VAT1L: variants seen among roughly 807,000 people sequenced by gnomAD.
VAT1L encodes the protein putative NADPH-dependent quinone oxidoreductase VAT1L.
VAT1L carries 34 observed loss-of-function variants against 44.1 expected under a neutral mutation model. The observed-to-expected ratio is 0.77, with a 90% CI of 0.59 to 1.03. The LOEUF (loss-of-function observed/expected upper bound fraction) is 1.03. Among genes scored for constraint, VAT1L ranks in the 50% least tolerant of loss-of-function variants. The pLI is 0.00. For synonymous variants in VAT1L, 253 were observed against 202.2 expected (o/e 1.25, Z -2.13); for missense variants, 615 against 538.8 (o/e 1.14, Z -1.40).
chr16:77,837,736 T>C (rs2016654880), intron 3 of VAT1L, among the ~76,000 whole-genome samples: 1 of 152,224 alleles, frequency 6.6e-6, no homozygotes, highest in Non-Finnish European at 1.5e-5. Flanking sequence ...TTTAACTTCC[T>C]TGGACTTTGT....
At chr16:77,805,903 C>T (rs767643742) in intron 1 of VAT1L, among the ~76,000 whole-genome samples, 2 of 65,924 alleles carry the variant, frequency 3.0e-5, no homozygotes, top group Non-Finnish European at 7.9e-5. Flanking sequence ...TGCCCTGTGG[C>T]CCAGGCTGGA....
chr16:77,932,556 A>C (rs2017745080), intron 7 of VAT1L, among the ~76,000 whole-genome samples: 2 of 152,204 alleles, frequency 1.3e-5, no homozygotes, highest in African/African-American at 2.4e-5. Context: ...CAAGTTCACA[A>C]GATTTTGGTG....
chr16:77,935,684 C>A (rs952137191), intron 7 of VAT1L, among the ~76,000 whole-genome samples: 1 of 151,922 alleles, frequency 6.6e-6, no homozygotes, highest in Non-Finnish European at 1.5e-5. Flanking sequence ...CTGGTTGGAT[C>A]GTGTCTGCAG....
chr16:77,912,524 C>G (rs148643392), intron 7 of VAT1L, among the ~76,000 whole-genome samples: 77 of 152,038 alleles, frequency 5.1e-4, no homozygotes, highest in Non-Finnish European at 8.7e-4. Flanking sequence ...CTCAAGCGGT[C>G]CTCCCTCCTT....
intron 2 of VAT1L, 79 bp from the exon 3 acceptor site, chr16:77,825,167 A>T (rs925563027): frequency 1.3e-6 from 2 of 1,523,636 alleles, no homozygotes; most frequent in Non-Finnish European, 1.8e-6. Context: ...GCGCCTGGCC[A>T]GCTCCCAGTA....
chr16:77,852,093 G>A (rs1369467094), intron 3 of VAT1L, among the ~76,000 whole-genome samples: 3 of 152,030 alleles, frequency 2.0e-5, no homozygotes, highest in Non-Finnish European at 4.4e-5. Context: ...GGCCATACTA[G>A]TGCTCCTCTC....
chr16:77,826,862 A>G (rs2016529104), intron 3 of VAT1L, among the ~76,000 whole-genome samples: 1 of 152,236 alleles, frequency 6.6e-6, no homozygotes, highest in South Asian at 2.1e-4. Context: ...CTGTAGTTTG[A>G]TGAACTCAGA....
chr16:77,849,473 T>A (rs2016787734), intron 3 of VAT1L, among the ~76,000 whole-genome samples: 1 of 152,222 alleles, frequency 6.6e-6, no homozygotes, highest in Non-Finnish European at 1.5e-5. Flanking sequence ...ACAGCAGTGG[T>A]CCTAGTGATA....
At chr16:77,907,692 T>C (rs17704468) in intron 7 of VAT1L, among the ~76,000 whole-genome samples, 12,290 of 152,188 alleles carry the variant, frequency 0.081, 648 homozygotes, top group South Asian at 0.17. Context: ...ATGTTCAGTT[T>C]TATATCCCCA....
chr16:77,934,316 C>G (rs945949836), intron 7 of VAT1L, among the ~76,000 whole-genome samples: 2 of 151,990 alleles, frequency 1.3e-5, no homozygotes, highest in Admixed American at 1.3e-4. Flanking sequence ...TCCCCACACC[C>G]CCAAGATGAC....
chr16:77,915,364 T>C (rs2017541677), intron 7 of VAT1L, among the ~76,000 whole-genome samples: 1 of 152,226 alleles, frequency 6.6e-6, no homozygotes, highest in Non-Finnish European at 1.5e-5. Flanking sequence ...AGAGAGTCAG[T>C]TATTAAACAT....
chr16:77,970,202 C>T (rs892610010), intron 7 of VAT1L, among the ~76,000 whole-genome samples: 1 of 152,120 alleles, frequency 6.6e-6, no homozygotes, highest in African/African-American at 2.4e-5. Context: ...TACTGCTTTA[C>T]TCCAGCCAAG....
intron 7 of VAT1L, among the ~76,000 whole-genome samples, chr16:77,900,836 TC>T (rs548728151): frequency 2.2e-4 from 34 of 151,932 alleles, no homozygotes; most frequent in African/African-American, 8.2e-4. Flanking sequence ...TGACCACCAC[TC>T]CCCCCGCAAC....
chr16:77,932,981 T>A (rs1170736376), intron 7 of VAT1L, among the ~76,000 whole-genome samples: 1 of 152,152 alleles, frequency 6.6e-6, no homozygotes. Flanking sequence ...CCCACACATT[T>A]CATTGGCTAG....
At chr16:77,959,036 G>A (rs2018134190) in intron 7 of VAT1L, among the ~76,000 whole-genome samples, 2 of 152,186 alleles carry the variant, frequency 1.3e-5, no homozygotes, top group South Asian at 4.1e-4. Flanking sequence ...GGTATAAAAT[G>A]TAAGGCAGCG....
At chr16:77,857,191 G>C (rs2016867774) in intron 3 of VAT1L, among the ~76,000 whole-genome samples, 1 of 152,300 alleles carries the variant, frequency 6.6e-6, no homozygotes, top group African/African-American at 2.4e-5. Flanking sequence ...CAGTGACTGG[G>C]AGAATGGATT....
At chr16:77,860,229 G>C (rs935232439) in intron 3 of VAT1L, among the ~76,000 whole-genome samples, 4 of 152,124 alleles carry the variant, frequency 2.6e-5, no homozygotes, top group African/African-American at 9.7e-5. Context: ...TAAGCCACTG[G>C]GTCAGTAGAA....
At chr16:77,821,117 A>G (rs906876552) in intron 2 of VAT1L, among the ~76,000 whole-genome samples, 5 of 152,154 alleles carry the variant, frequency 3.3e-5, no homozygotes, top group African/African-American at 1.2e-4. Context: ...ATCACTCACT[A>G]TGCACCAAGC....
Position 77,884,826 on chromosome 16 carries a change from C to T in VAT1L, c.1077+24C>T. 6 of 1,442,734 alleles carry T rather than the reference C, an allele frequency of 4.2e-6. No individual in the cohort carries two copies. The highest frequency in any genetic ancestry group is 5.5e-6 in the Non-Finnish European group (6 of 1,096,392). 89.4% of individuals were successfully genotyped at this position (1,442,734 alleles called of 1,614,324 possible). On this transcript the variant is annotated intron_variant, in intron 7 of 8. Coordinates refer to ENST00000302536, the MANE Select transcript of VAT1L (RefSeq NM_020927.3). This position sits in a 1 kb window ranked among gnomAD's most constrained non-coding sequence, Gnocchi z 4.5. ...AGGTAAGAATGGTGCTTTTCTTCTG[C>T]AAATAAACTCCTCTTTTTAACTCAG...
Sources: gnomAD v4.1 joint callset for allele counts (sites outside exome capture counted in the v4.1 genomes callset) on GRCh38, gnomAD v4.1.1 for gene constraint, Gnocchi (gnomAD v3.1) non-coding constraint, MANE v1.5 for transcripts, NCBI Gene and HGNC (gene_info 2026-07-23, HGNC 2026-07-21) for gene names.